Variants in DNAAF4 observed in about 807,000 individuals in gnomAD.
The protein encoded by DNAAF4 is dynein assembly factor 4, axonemal.
Under a neutral mutation model 51.8 loss-of-function variants are expected in DNAAF4, and 43 were observed. That is an observed-to-expected ratio of 0.83 (90% CI 0.65 to 1.07). The LOEUF (loss-of-function observed/expected upper bound fraction) is 1.07, where lower values mean the gene tolerates loss of function less well. DNAAF4 is among the 50% of genes least tolerant of loss of function. The pLI, the probability that DNAAF4 is intolerant of heterozygous loss-of-function variation, is 0.00. For missense variants in DNAAF4, 581 were observed against 493.0 expected (o/e 1.18, Z -1.69); for synonymous variants, 194 against 165.6 (o/e 1.17, Z -1.32).
intron 5 of DNAAF4, among the ~76,000 whole-genome samples, chr15:55,452,368 T>A (rs2057949426): frequency 6.6e-6 from 1 of 150,862 alleles, no homozygotes; most frequent in Non-Finnish European, 1.5e-5. Context: ...TAATACGATA[T>A]AGAACATGCA....
intron 7 of DNAAF4, chr15:55,418,366 T>A: frequency 6.5e-7 from 1 of 1,538,000 alleles, no homozygotes; most frequent in Non-Finnish European, 8.7e-7. Context: ...TATCAAAACC[T>A]CAAATGATTA....
At chr15:55,472,719 A>C (rs969840595) in intron 4 of DNAAF4, among the ~76,000 whole-genome samples, 2 of 152,230 alleles carry the variant, frequency 1.3e-5, no homozygotes, top group Non-Finnish European at 2.9e-5. Flanking sequence ...AAATAAAACT[A>C]ATACGAGAAT....
chr15:55,452,149 G>A (rs143733923), intron 5 of DNAAF4, among the ~76,000 whole-genome samples: 6,061 of 146,092 alleles, frequency 0.041, 409 homozygotes, highest in African/African-American at 0.14. Context: ...TTGGGAAGCT[G>A]AGGCAGGAGA....
chr15:55,434,630 C>G (rs539653487), intron 8 of DNAAF4, among the ~76,000 whole-genome samples: 1 of 151,932 alleles, frequency 6.6e-6, no homozygotes, highest in South Asian at 2.1e-4. Flanking sequence ...CCCAGGAGTT[C>G]GAGACCTGCC....
rs12593709 is a variant in DNAAF4 at position 55,456,234 on chromosome 15, C to T, written c.638-5867G>A. Among the ~76,000 whole-genome samples the T allele has an allele frequency of 1.6e-3, 244 of 152,064 alleles. 1 individual carries two copies. In the East Asian group the frequency reaches 0.044, roughly 27 times the overall value. ...AGTAGCTGGGATTACAGGCACCCAC[C>T]ACCACGTCCGGCTAGTTTTGTATTT... On this transcript the variant is annotated intron_variant, in intron 5 of 9. Coordinates refer to ENST00000321149, the MANE Select transcript of DNAAF4 (RefSeq NM_130810.4).
intron 5 of DNAAF4, among the ~76,000 whole-genome samples, chr15:55,463,169 G>GTCTC (rs886694338): frequency 4.2e-5 from 3 of 72,172 alleles, no homozygotes; most frequent in African/African-American, 2.8e-4. Context: ...GTGAGACTCT[G>GTCTC]TCTCACACAC....
At chr15:55,470,211 C>T (rs1160450985) in intron 4 of DNAAF4, among the ~76,000 whole-genome samples, 1 of 152,078 alleles carries the variant, frequency 6.6e-6, no homozygotes, top group Non-Finnish European at 1.5e-5. Flanking sequence ...ACCACCACGC[C>T]TGGCTAATTT....
chr15:55,502,342 T>A (rs916880410), intron 1 of DNAAF4, among the ~76,000 whole-genome samples: 2 of 152,136 alleles, frequency 1.3e-5, no homozygotes, highest in Non-Finnish European at 2.9e-5. Flanking sequence ...ATTAAATTTT[T>A]AAAATTTAAA....
Position 55,498,490 on chromosome 15 carries a change from C to A in DNAAF4, c.-161G>T, listed in dbSNP as rs1329525783. On this transcript the variant is annotated 5_prime_UTR_variant, in exon 2 of 10. Coordinates refer to ENST00000321149, the MANE Select transcript of DNAAF4 (RefSeq NM_130810.4). ...GCGCCAGCACCTCGCGGACTCCATG[C>A]GTGACTATCCAGGCGCCCAGACCAG... 6.0e-6 allele frequency: 6 copies of A among 1,002,358 alleles called. No individual in the cohort carries two copies. In the South Asian group the frequency reaches 7.0e-5, roughly 12 times the overall value. The allele number at this position is 1,002,358 out of a possible 1,614,324, so 62.1% of individuals were successfully genotyped here.
At chr15:55,471,529 T>C (rs1035557814) in intron 4 of DNAAF4, among the ~76,000 whole-genome samples, 13 of 150,824 alleles carry the variant, frequency 8.6e-5, no homozygotes, top group Admixed American at 2.0e-4. Context: ...TTTTTTTTTT[T>C]CTCAGATGGA....
intron 7 of DNAAF4, among the ~76,000 whole-genome samples, chr15:55,424,322 G>T (rs913483866): frequency 2.6e-5 from 4 of 152,104 alleles, no homozygotes; most frequent in Admixed American, 2.0e-4. Context: ...CCTTAATCTT[G>T]ACTGCCCAGC....
intron 6 of DNAAF4, among the ~76,000 whole-genome samples, chr15:55,440,401 C>T (rs749071333): frequency 5.4e-5 from 8 of 148,670 alleles, no homozygotes; most frequent in Non-Finnish European, 4.5e-5. Flanking sequence ...ATTTTTGAGA[C>T]GGAGTCTTGC....
At chr15:55,449,910 G>T in intron 6 of DNAAF4, among the ~76,000 whole-genome samples, 1 of 151,672 alleles carries the variant, frequency 6.6e-6, no homozygotes, top group African/African-American at 2.4e-5. Context: ...TGTTAGTCAG[G>T]TTGGTCTTGA....
At chr15:55,452,731 A>G (rs1438685575) in intron 5 of DNAAF4, among the ~76,000 whole-genome samples, 2 of 152,224 alleles carry the variant, frequency 1.3e-5, no homozygotes, top group Non-Finnish European at 2.9e-5. Flanking sequence ...AAAAGTAAGT[A>G]AAGGAAATGC....
chr15:55,491,132 G>C lies in DNAAF4; in HGVS notation c.396C>G (p.Val132=), dbSNP rs150525906. The change falls in exon 4 of 10, where the codon GTC becomes GTG. Residue 132 remains valine (V), a synonymous_variant. Transcript: ENST00000321149. Reference sequence around the variant, plus strand: ...TCATTCTGCAACTTACCTTCATCATGACACTTAGTGCGTATTTTTGATCTT... The same window carrying C: ...TCATTCTGCAACTTACCTTCATCATCACACTTAGTGCGTATTTTTGATCTT... ...KREDQKYALS[V]MMKIEEEERK... is the part of the protein sequence containing the mutation. 6.2e-7 allele frequency: 1 copy of C among 1,613,856 alleles called. No individual in the cohort carries two copies. Among genetic ancestry groups the C allele is most frequent in the African/African-American group, 1.3e-5 (1 of 74,886 alleles).
rs2141586355 is a variant in DNAAF4, at chr15:55,491,123, C to G, written c.405G>C (p.Lys135Asn). ...DQKYALSVMM[K>N]IEEEERKKIE... is the part of the protein sequence containing the mutation. ...ACTTGCCTGTCATTCTGCAACTTAC[C>G]TTCATCATGACACTTAGTGCGTATT... Residue 135 changes from lysine (K) to asparagine (N), a missense_variant and splice_region_variant, in exon 4 of 10, where the codon AAG (lysine) becomes AAC (asparagine). Transcript: ENST00000321149. The G allele has an allele frequency of 6.2e-7, 1 of 1,613,986 alleles. No individual in the cohort carries two copies.
chr15:55,456,471 T>C (rs1305403324), intron 5 of DNAAF4, among the ~76,000 whole-genome samples: 1 of 152,076 alleles, frequency 6.6e-6, no homozygotes, highest in African/African-American at 2.4e-5. Context: ...CATTGGGAGA[T>C]AGGAGGGAAA....
chr15:55,439,472 T>C lies in DNAAF4; in HGVS notation c.893A>G (p.Asn298Ser), dbSNP rs2057671979. ...KNPEWLKDKG[N>S]KLFATENYLA... The stretch of plus-strand genomic sequence containing the variant: ...CATGATCAGAGTTCAAACAACTTAC[T>C]TTCCTTTATCCTTCAACCATTCTGG... The change falls in exon 7 of 10, where the codon AAC (asparagine) becomes AGC (serine). Residue 298 changes from asparagine (N) to serine (S), a missense_variant and splice_region_variant. Physicochemically the swap from Asn to Ser is conservative, Grantham distance 46 (BLOSUM62 1). Coordinates refer to ENST00000321149, the MANE Select transcript of DNAAF4 (RefSeq NM_130810.4). The C allele has an allele frequency of 6.2e-7, 1 of 1,611,974 alleles. No individual in the cohort carries two copies. Among genetic ancestry groups the C allele is most frequent in the East Asian group, 2.2e-5 (1 of 44,852 alleles).
chr15:55,417,878 A>C (rs1042342565), exon 8 of DNAAF4: 1 of 368,356 alleles, frequency 2.7e-6, no homozygotes, highest in African/African-American at 2.1e-5. Flanking sequence ...ATGGAAAATT[A>C]CAGTCAAAGG....
Sources: gnomAD v4.1 joint callset for allele counts (sites outside exome capture counted in the v4.1 genomes callset) on GRCh38, gnomAD v4.1.1 for gene constraint, MANE v1.5 for transcripts, NCBI Gene and HGNC (gene_info 2026-07-23, HGNC 2026-07-21) for gene names.